The following HDAC4 variants were observed in gnomAD, a reference collection of about 807,000 sequenced individuals.
HDAC4 encodes histone deacetylase A.
In HDAC4, 16 loss-of-function variants were observed where a neutral mutation model predicts 135.1. The observed-to-expected ratio is 0.12, with a 90% confidence interval of 0.08 to 0.18. The LOEUF (loss-of-function observed/expected upper bound fraction) is 0.18, where lower values mean the gene tolerates loss of function less well. Ranked by LOEUF, HDAC4 falls within the 10% of genes least tolerant of loss-of-function variation. The pLI is 1.00. For missense variants in HDAC4, 1,143 were observed against 1,511.8 expected (o/e 0.76, Z 4.05); for synonymous variants, 685 against 653.4 (o/e 1.05, Z -0.74).
intron 24 of HDAC4, among the ~76,000 whole-genome samples, chr2:239,065,234 C>G (rs1003012936): frequency 6.6e-6 from 1 of 152,202 alleles, no homozygotes; most frequent in Non-Finnish European, 1.5e-5. Flanking sequence ...ACACCAGAAC[C>G]CAGGGGCGTG....
intron 2 of HDAC4, among the ~76,000 whole-genome samples, chr2:239,250,995 C>G (rs1412318333): frequency 6.6e-6 from 1 of 152,208 alleles, no homozygotes; most frequent in Non-Finnish European, 1.5e-5. Flanking sequence ...CTTACCGGTG[C>G]AGCCAGCACG....
At chr2:239,334,944 G>A (rs1487261638) in intron 2 of HDAC4, among the ~76,000 whole-genome samples, 1 of 143,414 alleles carries the variant, frequency 7.0e-6, no homozygotes, top group African/African-American at 2.6e-5. Context: ...AGAATGGCGT[G>A]AACCTGGGAG....
At chr2:239,276,324 G>C (rs1196166178) in intron 2 of HDAC4, among the ~76,000 whole-genome samples, 2 of 152,208 alleles carry the variant, frequency 1.3e-5, no homozygotes, top group African/African-American at 4.8e-5. Context: ...CCCGCCAACA[G>C]AGAGGCCTGT....
intron 1 of HDAC4, among the ~76,000 whole-genome samples, chr2:239,387,793 T>C (rs913318824): frequency 1.4e-4 from 22 of 152,118 alleles, no homozygotes; most frequent in African/African-American, 5.3e-4. Context: ...CTCCTCACTC[T>C]ACTTTCCAAC....
chr2:239,106,059 G>T (rs2038102051), intron 15 of HDAC4, among the ~76,000 whole-genome samples: 1 of 152,218 alleles, frequency 6.6e-6, no homozygotes, highest in Admixed American at 6.5e-5. Flanking sequence ...CTCTCCCTGA[G>T]ATCCTGCCAG....
chr2:239,078,668 C>T (rs761543629), intron 22 of HDAC4, among the ~76,000 whole-genome samples: 11 of 152,234 alleles, frequency 7.2e-5, no homozygotes, highest in South Asian at 2.1e-4. Context: ...CAGAAAGGCA[C>T]GTTCATCCTA....
rs1236874203 is a variant in HDAC4 at position 239,144,534 on chromosome 2, G to A, written c.865+49C>T. 5.6e-6 allele frequency: 9 copies of A among 1,611,130 alleles called. No individual in the cohort carries two copies. In the Admixed American group the frequency reaches 6.7e-5, roughly 12 times the overall value. ...GAGAGAAATCGCCTATGGCAGGAAG[G>A]CCTGGCAGAGAGGGCAGCGGGGCGG... On this transcript the variant is annotated intron_variant, in intron 8 of 26. Coordinates refer to ENST00000543185, the MANE Select transcript of HDAC4 (RefSeq NM_001378414.1).
At chr2:239,238,034 G>A (rs374984341) in intron 2 of HDAC4, among the ~76,000 whole-genome samples, 2 of 152,072 alleles carry the variant, frequency 1.3e-5, no homozygotes, top group East Asian at 1.9e-4. Context: ...CTGAGCAATC[G>A]CCCCAAGTCT....
intron 1 of HDAC4, among the ~76,000 whole-genome samples, chr2:239,377,771 A>G (rs1363395594): frequency 1.3e-5 from 2 of 152,168 alleles, no homozygotes; most frequent in Non-Finnish European, 2.9e-5. Context: ...ACCTGCCAGG[A>G]TGCAAGACGG....
At chr2:239,397,396 G>A (rs958645660) in intron 1 of HDAC4, among the ~76,000 whole-genome samples, 2 of 152,212 alleles carry the variant, frequency 1.3e-5, no homozygotes, top group Non-Finnish European at 2.9e-5. Context: ...ACGGGAGCAC[G>A]TGACAGCTGC....
intron 14 of HDAC4, among the ~76,000 whole-genome samples, chr2:239,109,983 G>A (rs1259273864): frequency 6.6e-6 from 1 of 152,232 alleles, no homozygotes; most frequent in Non-Finnish European, 1.5e-5. Flanking sequence ...GCTGAGGGTG[G>A]CAGAGCCAGC....
chr2:239,324,875 T>C (rs1259525396), intron 2 of HDAC4, among the ~76,000 whole-genome samples: 9 of 151,840 alleles, frequency 5.9e-5, no homozygotes, highest in Non-Finnish European at 1.3e-4. Flanking sequence ...AAGAGCAGAG[T>C]CTACACCGAC....
chr2:239,290,335 G>A (rs757165806), intron 2 of HDAC4, among the ~76,000 whole-genome samples: 9 of 152,192 alleles, frequency 5.9e-5, no homozygotes, highest in African/African-American at 1.7e-4. Context: ...CCAACGGCAC[G>A]TGACATGAAG....
chr2:239,060,730 G>A (rs1476386899), intron 24 of HDAC4, among the ~76,000 whole-genome samples: 2 of 152,246 alleles, frequency 1.3e-5, no homozygotes, highest in African/African-American at 4.8e-5. Context: ...CCGGAGACAC[G>A]GCCACCTAGG....
chr2:239,180,032 C>T (rs529462853), intron 4 of HDAC4, among the ~76,000 whole-genome samples: 3 of 152,122 alleles, frequency 2.0e-5, no homozygotes, highest in East Asian at 1.9e-4. Flanking sequence ...CCTTCAGCGG[C>T]GTTGGCAAGG....
At position 239,221,139 on chromosome 2, in the gene HDAC4, AC is replaced by A. The variant is rs2046928021; in HGVS notation, c.94+15453del. 2.0e-5 allele frequency among the ~76,000 whole-genome samples: 3 copies of A among 152,176 alleles called. No homozygotes were observed. In the South Asian group the frequency reaches 6.2e-4, roughly 31 times the overall value. On this transcript the variant is annotated intron_variant, in intron 3 of 26. Coordinates refer to ENST00000543185, the MANE Select transcript of HDAC4 (RefSeq NM_001378414.1). Reference sequence around the variant, plus strand: ...TACAGGCGCCTTAAATGATTCCTCTACATGAAGGAGAACCCTGTCAGATGGT... The same window carrying A: ...TACAGGCGCCTTAAATGATTCCTCTAATGAAGGAGAACCCTGTCAGATGGT...
intron 24 of HDAC4, among the ~76,000 whole-genome samples, chr2:239,064,692 C>T (rs180996062): frequency 3.3e-5 from 5 of 152,356 alleles, no homozygotes; most frequent in East Asian, 1.9e-4. Context: ...CAGGGACAGA[C>T]GGCAGAGGTG....
intron 3 of HDAC4, 44 bp from the exon 4 acceptor site, chr2:239,190,121 G>A: frequency 1.9e-6 from 3 of 1,581,158 alleles, no homozygotes; most frequent in South Asian, 1.1e-5. Flanking sequence ...GCCGCCCTTT[G>A]CTGTCCCTGG....
intron 20 of HDAC4, 133 bp from the exon 21 acceptor site, chr2:239,082,354 G>A (rs1162064247): frequency 3.3e-6 from 4 of 1,221,586 alleles, no homozygotes; most frequent in Non-Finnish European, 4.8e-6. Context: ...CCCTCCAGCT[G>A]GGCCCGTACC....
Sources: gnomAD v4.1 joint callset for allele counts (sites outside exome capture counted in the v4.1 genomes callset) on GRCh38, gnomAD v4.1.1 for gene constraint, MANE v1.5 for transcripts, NCBI Gene and HGNC (gene_info 2026-07-23, HGNC 2026-07-21) for gene names.